PP2D1: variants seen among roughly 807,000 people sequenced by gnomAD.
PP2D1 encodes the protein protein phosphatase 2C like domain containing 1.
In PP2D1, 25 loss-of-function variants were observed where a neutral mutation model predicts 30.2. That is an observed-to-expected ratio of 0.83 (90% CI 0.60 to 1.16). PP2D1 has a LOEUF of 1.16. Among genes scored for constraint, PP2D1 ranks in the 50% most tolerant of loss-of-function variants. The pLI, the probability that PP2D1 is intolerant of heterozygous loss-of-function variation, is 0.00. For synonymous variants in PP2D1, 260 were observed against 258.9 expected, an observed-to-expected ratio of 1.00 and a Z score of -0.04; for missense variants, 760 against 742.4, an observed-to-expected ratio of 1.02 and a Z score of -0.28.
rs1218712297 is a variant in PP2D1 at position 20,001,901 on chromosome 3, A to C, written c.219T>G (p.Ile73Met). 2.0e-6 allele frequency: 3 copies of C among 1,536,278 alleles called. No individual in the cohort carries two copies. Among genetic ancestry groups the C allele is most frequent in the Non-Finnish European group, 2.6e-6 (3 of 1,147,002 alleles). ...TATGGAGAAAAATACCAGTTAGGTC[A>C]ATTTCGTGCTTGCATATGGAACAGG... ...TLPCSICKHE[I>M]DLTGIFLHKK... The change falls in exon 2 of 3, where the codon ATT (isoleucine) becomes ATG (methionine). Residue 73 changes from isoleucine to methionine, a missense_variant. This residue lies in a region of PP2D1 where 374 missense variants were observed against 388.8 expected (regional missense o/e 0.96). Transcript: ENST00000389050.
intron 2 of PP2D1, among the ~76,000 whole-genome samples, chr3:19,999,475 A>C (rs1697225731): frequency 6.7e-6 from 1 of 149,638 alleles, no homozygotes; most frequent in Non-Finnish European, 1.5e-5. Flanking sequence ...TCCGCCTCTC[A>C]GGCTCAAGCG....
intron 2 of PP2D1, among the ~76,000 whole-genome samples, chr3:19,993,077 A>T (rs1697137537): frequency 6.6e-6 from 1 of 152,184 alleles, no homozygotes; most frequent in African/African-American, 2.4e-5. Context: ...AATAGTGGGT[A>T]AAGTTGTGAA....
At chr3:20,000,924 T>G (rs1308595770) in intron 2 of PP2D1, 106 bp downstream of exon 2, 1 of 529,076 alleles carries the variant, frequency 1.9e-6, no homozygotes, top group Non-Finnish European at 3.0e-6. Flanking sequence ...TTCTAGGTAC[T>G]AAGTCACTAA....
chr3:19,988,943 G>T (rs1040457751), intron 2 of PP2D1, among the ~76,000 whole-genome samples: 1 of 151,668 alleles, frequency 6.6e-6, no homozygotes, highest in Non-Finnish European at 1.5e-5. Context: ...ACGAAGTCAC[G>T]CCACTACACT....
chr3:19,995,826 T>C (rs1234655725), intron 2 of PP2D1, among the ~76,000 whole-genome samples: 1 of 152,142 alleles, frequency 6.6e-6, no homozygotes, highest in Non-Finnish European at 1.5e-5. Flanking sequence ...ACATTGGAAA[T>C]TGTACAAATA....
chr3:19,985,301 T>C, downstream of PP2D1: 1 of 977,662 alleles, frequency 1.0e-6, no homozygotes, highest in Admixed American at 2.8e-5. Context: ...TGCATGGTAT[T>C]GATGAATCAT....
At chr3:20,010,782 AC>A (rs1575090692) in intron 1 of PP2D1, among the ~76,000 whole-genome samples, 1 of 152,258 alleles carries the variant, frequency 6.6e-6, no homozygotes, top group East Asian at 1.9e-4. Context: ...AGCCTGGGCA[AC>A]AAGAGCGAAA....
intron 1 of PP2D1, among the ~76,000 whole-genome samples, chr3:20,007,032 CG>C (rs1697327674): frequency 7.2e-6 from 1 of 139,406 alleles, no homozygotes; most frequent in Non-Finnish European, 1.6e-5. Flanking sequence ...CACACACACA[CG>C]TATATATATT....
intron 2 of PP2D1, among the ~76,000 whole-genome samples, chr3:19,992,016 G>A (rs1328798898): frequency 1.3e-5 from 2 of 152,150 alleles, no homozygotes; most frequent in African/African-American, 4.8e-5. Context: ...AAGGTTAGGG[G>A]AAACAGTCTG....
downstream of PP2D1, among the ~76,000 whole-genome samples, chr3:19,981,613 CAAAAA>C (rs11307995): frequency 7.2e-6 from 1 of 138,942 alleles, no homozygotes. Flanking sequence ...GACTCCGCCT[CAAAAA>C]AAAAAAAATC....
chr3:19,985,196 C>T, downstream of PP2D1: 3 of 521,758 alleles, frequency 5.7e-6, no homozygotes, highest in Non-Finnish European at 6.5e-6. Flanking sequence ...TTCTCTTTTC[C>T]TTTTTTTTGG....
chr3:19,985,850 G>A lies in PP2D1; in HGVS notation c.1423C>T (p.His475Tyr), dbSNP rs1228201466. ...EVTALAMTTF[H>Y]MYKETYCPII... The stretch of plus-strand genomic sequence containing the variant: ...GGACAGTATGTTTCTTTATACATGT[G>A]AAATGTTGTCATTGCCAGGGCAGTA... Residue 475 changes from histidine to tyrosine, a missense_variant, in exon 3 of 3, where the codon CAC (histidine) becomes TAC (tyrosine). Physicochemically the swap from His to Tyr is moderately conservative, Grantham distance 83 (BLOSUM62 2). Coordinates refer to ENST00000389050, the MANE Select transcript of PP2D1 (RefSeq NM_001252657.2). 1 of 1,536,282 alleles carries A rather than the reference G, an allele frequency of 6.5e-7. No individual in the cohort carries two copies. The highest frequency in any genetic ancestry group is 2.4e-5 in the East Asian group (1 of 40,898).
At position 20,001,046 on chromosome 3, in the gene PP2D1, T is replaced by TATGCAACAAA; in HGVS notation, c.1073_1074insTTTGTTGCAT (p.Leu358PhefsTer11). 1 of 1,399,148 alleles carries TATGCAACAAA rather than the reference T, an allele frequency of 7.1e-7. No homozygotes were observed. Among genetic ancestry groups the TATGCAACAAA allele is most frequent in the East Asian group, 2.5e-5 (1 of 39,816 alleles). 86.7% of individuals were successfully genotyped at this position (1,399,148 alleles called of 1,614,324 possible). A position where few individuals can be genotyped will look rare whatever the true frequency, so the allele number is the denominator to read the frequency against. ...TGTACATACCAGTGTTTGCAACATG[T>TATGCAACAAA]AATATTCCAGAAATTATTTTTGGCA... On this transcript the variant is annotated frameshift_variant, in exon 2 of 3. Coordinates refer to ENST00000389050, the MANE Select transcript of PP2D1 (RefSeq NM_001252657.2). LOFTEE classifies it low-confidence loss of function (END_TRUNC).
intron 2 of PP2D1, 77 bp from the exon 3 acceptor site, chr3:19,986,259 A>G (rs1697033135): frequency 9.1e-7 from 1 of 1,103,532 alleles, no homozygotes; most frequent in African/African-American, 1.6e-5. Flanking sequence ...TGCTAACTTT[A>G]GTAAATTCTG....
chr3:20,006,527 C>A (rs1409698890), intron 1 of PP2D1, among the ~76,000 whole-genome samples: 1 of 152,124 alleles, frequency 6.6e-6, no homozygotes, highest in Non-Finnish European at 1.5e-5. Flanking sequence ...CACTGTGTCA[C>A]CCAGGAGTGC....
At chr3:19,983,843 T>A, downstream of PP2D1, 1 of 1,457,072 alleles carries the variant, frequency 6.9e-7, no homozygotes, top group Admixed American at 1.7e-5. Context: ...TTGAACTAGC[T>A]GGAATAGTCT....
chr3:20,002,719 A>G (rs961549921), intron 1 of PP2D1, among the ~76,000 whole-genome samples: 2 of 152,196 alleles, frequency 1.3e-5, no homozygotes, highest in Non-Finnish European at 2.9e-5. Flanking sequence ...CAGGAGTTCA[A>G]GACCAGCCTG....
At chr3:20,010,063 C>T (rs2125148928) in intron 1 of PP2D1, among the ~76,000 whole-genome samples, 1 of 152,092 alleles carries the variant, frequency 6.6e-6, no homozygotes, top group East Asian at 1.9e-4. Context: ...TTTTTTTACT[C>T]CTGTTTCATC....
intron 3 of PP2D1, chr3:19,980,290 C>G (rs1053396620): frequency 6.6e-6 from 1 of 152,118 alleles, no homozygotes; most frequent in Non-Finnish European, 1.5e-5. Flanking sequence ...CCTTTTTATT[C>G]AAACATGCTA....
Sources: gnomAD v4.1 joint callset for allele counts (sites outside exome capture counted in the v4.1 genomes callset) on GRCh38, gnomAD v4.1.1 for gene constraint, gnomAD v4.1.1 regional missense constraint, MANE v1.5 for transcripts, NCBI Gene and HGNC (gene_info 2026-07-23, HGNC 2026-07-21) for gene names.